The following NPHS1 variants were observed in gnomAD, a reference collection of about 807,000 sequenced individuals.
NPHS1 encodes nephrin.
NPHS1 carries 107 observed loss-of-function variants against 139.7 expected under a neutral mutation model. The ratio of observed to expected loss-of-function variants is 0.77; its 90% CI spans 0.66 to 0.90. The LOEUF is 0.90. NPHS1 is among the 40% of genes least tolerant of loss of function. NPHS1 has a pLI of 0.00. For missense variants in NPHS1, 1,580 were observed against 1,654.2 expected (o/e 0.96, Z 0.78); for synonymous variants, 707 against 706.6 (o/e 1.00, Z -0.01).
At position 35,843,601 on chromosome 19, in the gene NPHS1, A is replaced by G. The variant is rs1973091364; in HGVS notation, c.2213-8T>C. 6.2e-7 allele frequency: 1 copy of G among 1,613,710 alleles called. No individual in the cohort carries two copies. Among genetic ancestry groups the G allele is most frequent in the Non-Finnish European group, 8.5e-7 (1 of 1,179,776 alleles). On this transcript the variant is annotated splice_region_variant and splice_polypyrimidine_tract_variant and intron_variant, in intron 16 of 28. Transcript: ENST00000378910. ...CACGGATGGTGGGAGCATCTGGTGG[A>G]AGGCAGAGGCTTGGGGAAGACACTT...
chr19:35,844,256 A>T lies in NPHS1; in HGVS notation c.2072-13T>A. 1.9e-6 allele frequency: 3 copies of T among 1,613,686 alleles called. No individual in the cohort carries two copies. The highest frequency in any genetic ancestry group is 2.5e-6 in the Non-Finnish European group (3 of 1,179,912). On this transcript the variant is annotated splice_polypyrimidine_tract_variant and intron_variant, in intron 15 of 28. Coordinates refer to ENST00000378910, the MANE Select transcript of NPHS1 (RefSeq NM_004646.4). ...CGGGGGCCGCCCGCTGGGGAAGGCC[A>T]GAATAAGGGACCTGGCAGGACCTCC...
rs1972948538 is a variant in NPHS1, at chr19:35,835,753, G to A, written c.3118C>T (p.Gln1040Ter). The change falls in exon 23 of 29, where the codon CAG becomes TAG. Residue 1040 changes from glutamine to a stop codon, truncating the protein, a stop_gained. Coordinates refer to ENST00000378910, the MANE Select transcript of NPHS1 (RefSeq NM_004646.4). LOFTEE classifies it high-confidence loss of function. ...TGGTCTTCAGGTTCTCCAGAAGGCT[G>A]GTGGAGACCTGGGGGGTGGATATAC... is the stretch of plus-strand genomic sequence containing the variant. ...QLPITTPGLH[Q>*]PSGEPEDQLP... 1.9e-6 allele frequency: 3 copies of A among 1,613,326 alleles called. No individual in the cohort carries two copies. The highest frequency in any genetic ancestry group is 1.7e-5 in the Admixed American group (1 of 59,936).
Position 35,845,548 on chromosome 19 carries a change from A to C in NPHS1, c.1758-8T>G, listed in dbSNP as rs187501631. On this transcript the variant is annotated splice_region_variant and splice_polypyrimidine_tract_variant and intron_variant, in intron 13 of 28. Transcript: ENST00000378910. The surrounding 1 kb of genome is among the most constrained non-coding windows in gnomAD (Gnocchi z 5.5). Reference sequence around the variant, plus strand: ...GCGGCCACGCCCTCCAGCCTGTGGAACCGGGGTCAAGCCAGGGCTGCGAGC... The same window carrying C: ...GCGGCCACGCCCTCCAGCCTGTGGACCCGGGGTCAAGCCAGGGCTGCGAGC... 8.0e-4 allele frequency: 1,296 copies of C among 1,611,192 alleles called. 7 individuals are homozygous for C. In the African/African-American group the frequency reaches 0.013, roughly 17 times the overall value.
At chr19:35,848,544 C>T in intron 9 of NPHS1, 93 bp downstream of exon 9, 1 of 1,583,424 alleles carries the variant, frequency 6.3e-7, no homozygotes, top group Admixed American at 1.8e-5. Context: ...AGGAGAAAGC[C>T]CCCCAGGCTG....
rs1973123669 is a variant in NPHS1 at position 35,845,458 on chromosome 19, A to G, written c.1840T>C (p.Ser614Pro). The change falls in exon 14 of 29, where the codon TCC (serine) becomes CCC (proline). Residue 614 changes from serine (S) to proline (P), a missense_variant. Physicochemically the swap from Ser to Pro is moderately conservative, Grantham distance 74. Transcript: ENST00000378910. This position sits in a 1 kb window ranked among gnomAD's most constrained non-coding sequence, Gnocchi z 5.5. ...GTCACGCGCTGGCCATGATCGCGGG[A>G]TGACACTTGCAGAAGGACGCTCCTG... ...AARSVLLQVS[S>P]RDHGQRVTCR... 6.2e-7 allele frequency: 1 copy of G among 1,614,148 alleles called. No individual in the cohort carries two copies. Among genetic ancestry groups the G allele is most frequent in the East Asian group, 2.2e-5 (1 of 44,884 alleles).
rs1973292177 is a variant in NPHS1, at chr19:35,852,316, C to T, written c.-479G>A. On this transcript the variant is annotated 5_prime_UTR_variant, in exon 1 of 29. Transcript: ENST00000378910. ...TTCCTCTCTCTCTGTCTCTCTCTCT[C>T]TCTCTCTCTCAATCTCTATCTTCTC... Among the ~76,000 whole-genome samples the T allele has an allele frequency of 6.6e-6, 1 of 151,974 alleles. No homozygotes were observed. The highest frequency in any genetic ancestry group is 2.1e-4 in the South Asian group (1 of 4,816).
In NPHS1 at chr19:35,844,362, G is replaced by A. The variant is rs568455670; in HGVS notation, c.2028C>T (p.Pro676=). The A allele has an allele frequency of 1.2e-6, 2 of 1,613,606 alleles. No homozygotes were observed. The highest frequency in any genetic ancestry group is 3.3e-5 in the Admixed American group (2 of 59,956). ...LPVSVSANPA[P]EAFNWTFRGY... ...CGCGGAAGGTCCAGTTGAAGGCCTC[G>A]GGGGCGGGGTTAGCGGACACGGACA... is the stretch of plus-strand genomic sequence containing the variant. The change falls in exon 15 of 29, where the codon CCC becomes CCT. Residue 676 remains proline (P), a synonymous_variant. Transcript: ENST00000378910.
chr19:35,849,116 G>C lies in NPHS1; in HGVS notation c.872C>G (p.Thr291Arg). 1.9e-6 allele frequency: 3 copies of C among 1,609,604 alleles called. No individual in the cohort carries two copies. Among genetic ancestry groups the C allele is most frequent in the Non-Finnish European group, 2.5e-6 (3 of 1,180,012 alleles). The change falls in exon 8 of 29, where the codon ACA (threonine) becomes AGA (arginine). Residue 291 changes from threonine (T) to arginine (R), a missense_variant. Physicochemically the swap from Thr to Arg is moderately conservative, Grantham distance 71. Transcript: ENST00000378910. ...GCGGGCCACCGCCTGGGTGTGCTCT[G>C]TGCCCCACGCTGTGGACACCGGCTG... Reference protein sequence around the residue: ...NGQPVSTAWGTEHTQAVARSV... With the variant: ...NGQPVSTAWGREHTQAVARSV...
intron 28 of NPHS1, among the ~76,000 whole-genome samples, chr19:35,827,585 A>G (rs1433358058): frequency 6.6e-6 from 1 of 152,214 alleles, no homozygotes; most frequent in Non-Finnish European, 1.5e-5. Flanking sequence ...CAAGATACCC[A>G]ATGATTTCAT....
rs768091364 is a variant in NPHS1 at position 35,845,341 on chromosome 19, GA to G, written c.1930+26del. ...TAGTTTAGGGTCAAGAAGGCATCGA[GA>G]GGGGCTTTCAGGCCGGGGCACATAC... On this transcript the variant is annotated intron_variant, in intron 14 of 28. Transcript: ENST00000378910. This position sits in a 1 kb window ranked among gnomAD's most constrained non-coding sequence, Gnocchi z 5.5. The G allele has an allele frequency of 1.1e-5, 18 of 1,613,600 alleles. No individual in the cohort carries two copies. Among genetic ancestry groups the G allele is most frequent in the Non-Finnish European group, 1.5e-5 (18 of 1,179,616 alleles).
chr19:35,827,379 C>T (rs962833580), intron 28 of NPHS1, among the ~76,000 whole-genome samples: 3 of 152,186 alleles, frequency 2.0e-5, no homozygotes, highest in African/African-American at 7.2e-5. Context: ...AAGAGGATCG[C>T]TTGAGCCCCG....
Position 35,831,066 on chromosome 19 carries a change from C to T in NPHS1, c.3468G>A (p.Val1156=). 1 of 1,614,130 alleles carries T rather than the reference C, an allele frequency of 6.2e-7. No homozygotes were observed. The highest frequency in any genetic ancestry group is 1.3e-5 in the African/African-American group (1 of 75,036). Residue 1156 remains valine (V), a synonymous_variant, in exon 27 of 29, where the codon GTG becomes GTA. Coordinates refer to ENST00000378910, the MANE Select transcript of NPHS1 (RefSeq NM_004646.4). The part of the protein sequence containing the change: ...SPQLPPTQEE[V]SYSRGFTGED... Reference sequence around the variant, plus strand: ...GTCCTAACTCACCTCGGGAATAAGACACCTCCTCCTGCGTCGGGGGCAGCT... The same window carrying T: ...GTCCTAACTCACCTCGGGAATAAGATACCTCCTCCTGCGTCGGGGGCAGCT...
intron 22 of NPHS1, among the ~76,000 whole-genome samples, chr19:35,838,195 G>A (rs1402254294): frequency 6.6e-6 from 1 of 151,782 alleles, no homozygotes; most frequent in African/African-American, 2.4e-5. Context: ...AGTGAGCCGA[G>A]ACGGCACCAT....
chr19:35,832,688 A>G (rs1314937959), intron 23 of NPHS1, among the ~76,000 whole-genome samples: 1 of 151,786 alleles, frequency 6.6e-6, no homozygotes, highest in Non-Finnish European at 1.5e-5. Flanking sequence ...GGAGTTCAAA[A>G]CCAGCCTGGC....
At chr19:35,826,718 C>T in intron 28 of NPHS1, 73 bp from the exon 29 acceptor site, 1 of 1,522,358 alleles carries the variant, frequency 6.6e-7, no homozygotes, top group Non-Finnish European at 9.1e-7. Context: ...CTGGGGGATA[C>T]ATGCCCCTGC....
At position 35,845,277 on chromosome 19, in the gene NPHS1, G is replaced by A. The variant is rs1440101189; in HGVS notation, c.1930+91C>T. The A allele has an allele frequency of 1.4e-6, 2 of 1,396,582 alleles. No homozygotes were observed. Among genetic ancestry groups the A allele is most frequent in the African/African-American group, 1.4e-5 (1 of 70,278 alleles). The allele number at this position is 1,396,582 out of a possible 1,614,324, so 86.5% of individuals were successfully genotyped here. On this transcript the variant is annotated intron_variant, in intron 14 of 28. Coordinates refer to ENST00000378910, the MANE Select transcript of NPHS1 (RefSeq NM_004646.4). This position sits in a 1 kb window ranked among gnomAD's most constrained non-coding sequence, Gnocchi z 5.5. Reference sequence around the variant, plus strand: ...AAAAAATGAAAGAGAGAGAGAGAGAGAAGAGAAAAAGAAGGAAAAAAAGGT... The same window carrying A: ...AAAAAATGAAAGAGAGAGAGAGAGAAAAGAGAAAAAGAAGGAAAAAAAGGT...
At position 35,845,895 on chromosome 19, in the gene NPHS1, C is replaced by A. The variant is rs573014786; in HGVS notation, c.1628-97G>T. On this transcript the variant is annotated intron_variant, in intron 12 of 28. Transcript: ENST00000378910. The surrounding 1 kb of genome is among the most constrained non-coding windows in gnomAD (Gnocchi z 5.5). ...CCCCAGGCTCCGCCCAGTCTCGGGT[C>A]CCCCACCCCGCCTCCGCCCGCTTTC... The A allele has an allele frequency of 9.8e-6, 15 of 1,532,642 alleles. No homozygotes were observed. In the South Asian group the frequency reaches 1.7e-4, roughly 18 times the overall value. 94.9% of individuals were successfully genotyped at this position (1,532,642 alleles called of 1,614,324 possible). A position where few individuals can be genotyped will look rare whatever the true frequency, so the allele number is the denominator to read the frequency against.
Position 35,831,319 on chromosome 19 carries a change from C to G in NPHS1, c.3364G>C (p.Glu1122Gln), listed in dbSNP as rs548792892. The G allele has an allele frequency of 1.9e-5, 31 of 1,614,016 alleles. No homozygotes were observed. Among genetic ancestry groups the G allele is most frequent in the South Asian group, 1.3e-4 (12 of 91,078 alleles). Residue 1122 changes from glutamate to glutamine, a missense_variant, in exon 26 of 29, where the codon GAG (glutamate) becomes CAG (glutamine). Glu to Gln is a conservative substitution (Grantham distance 29). Coordinates refer to ENST00000378910, the MANE Select transcript of NPHS1 (RefSeq NM_004646.4). The part of the protein sequence containing the change: ...NEYEESQWTG[E>Q]RDTQSSTVST... ...ACCGTGGAGCTCTGAGTGTCCCGCTCTCCTGTCCACTGGCTCTCCTCATAT... is the reference window on the plus strand; with the variant it reads ...ACCGTGGAGCTCTGAGTGTCCCGCTGTCCTGTCCACTGGCTCTCCTCATAT...
At position 35,850,955 on chromosome 19, in the gene NPHS1, A is replaced by T; in HGVS notation, c.526+6T>A. The T allele has an allele frequency of 1.2e-6, 2 of 1,613,636 alleles. No individual in the cohort carries two copies. Among genetic ancestry groups the T allele is most frequent in the Non-Finnish European group, 1.7e-6 (2 of 1,179,936 alleles). On this transcript the variant is annotated splice_donor_region_variant and intron_variant, in intron 4 of 28. Coordinates refer to ENST00000378910, the MANE Select transcript of NPHS1 (RefSeq NM_004646.4). ...GCCCCCTGCCACCCAGTTCACCCAC[A>T]CTCACTCAGGAGAATGGTGATGTCA...
Sources: allele counts gnomAD v4.1 joint callset (sites outside exome capture counted in the v4.1 genomes callset), GRCh38; gene constraint gnomAD v4.1.1; non-coding constraint Gnocchi (gnomAD v3.1); transcripts MANE v1.5; gene names NCBI Gene and HGNC (gene_info 2026-07-23, HGNC 2026-07-21).